The following PAK3 variants were observed in gnomAD, a reference collection of about 807,000 sequenced individuals.
The protein encoded by PAK3 is serine/threonine-protein kinase PAK 3.
PAK3 carries 4 observed loss-of-function variants against 41.0 expected under a neutral mutation model. That is an observed-to-expected ratio of 0.10 (90% CI 0.05 to 0.22). The LOEUF is 0.22. Among genes scored for constraint, PAK3 ranks in the 10% least tolerant of loss-of-function variants. PAK3 has a pLI of 1.00. For synonymous variants in PAK3, 146 were observed against 139.6 expected, an observed-to-expected ratio of 1.05 and a Z score of -0.32; for missense variants, 205 against 409.9, an observed-to-expected ratio of 0.50 and a Z score of 4.32.
intron 1 of PAK3, among the ~76,000 whole-genome samples, chrX:110,953,312 C>T (rs182864573): frequency 5.8e-4 from 65 of 111,534 alleles, no homozygotes; most frequent in African/African-American, 1.9e-3. Context: ...TTGTGTGACC[C>T]TGAACTAGAG....
At chrX:111,062,408 G>A (rs771915492) in intron 1 of PAK3, among the ~76,000 whole-genome samples, 13 of 112,176 alleles carry the variant, frequency 1.2e-4, no homozygotes, top group Non-Finnish European at 1.7e-4. Context: ...TGTGTGGTAC[G>A]TACAAACTTG....
At chrX:110,974,477 C>G (rs2091283455) in intron 1 of PAK3, among the ~76,000 whole-genome samples, 1 of 111,230 alleles carries the variant, frequency 9.0e-6, no homozygotes, top group Non-Finnish European at 1.9e-5. Flanking sequence ...AATATCCTAC[C>G]AACCTAAAAA....
intron 11 of PAK3, among the ~76,000 whole-genome samples, chrX:111,179,015 A>C (rs61356567): frequency 0.13 from 13,010 of 103,090 alleles, 1,749 homozygotes; most frequent in African/African-American, 0.4. Context: ...ATATATCTAT[A>C]TATATATATA....
At chrX:111,056,328 A>T (rs892124805) in intron 1 of PAK3, among the ~76,000 whole-genome samples, 30 of 112,154 alleles carry the variant, frequency 2.7e-4, no homozygotes, top group African/African-American at 9.7e-4. Flanking sequence ...TGGGTAAAAA[A>T]GTCAAGTAGA....
At chrX:111,145,054 G>C in intron 6 of PAK3, 1 of 370,371 alleles carries the variant, frequency 2.7e-6, no homozygotes, top group Non-Finnish European at 4.9e-6. Context: ...CCTATACACA[G>C]TCAGACATTG....
chrX:110,972,077 TAC>T (rs1304042162), intron 1 of PAK3, among the ~76,000 whole-genome samples: 5 of 111,355 alleles, frequency 4.5e-5, no homozygotes, highest in Admixed American at 9.6e-5. Flanking sequence ...CACATATATA[TAC>T]ACACACACAC....
chrX:111,186,198 A>G (rs1311257418), intron 11 of PAK3, among the ~76,000 whole-genome samples: 1 of 111,712 alleles, frequency 9.0e-6, no homozygotes, highest in Non-Finnish European at 1.9e-5. Flanking sequence ...CTGAATGGGC[A>G]AAAGCTGGAA....
At chrX:111,121,531 T>C (rs1231276743) in intron 4 of PAK3, among the ~76,000 whole-genome samples, 1 of 111,952 alleles carries the variant, frequency 8.9e-6, no homozygotes, top group Non-Finnish European at 1.9e-5. Context: ...CTATAACCAC[T>C]AAAGGGCCGG....
intron 1 of PAK3, among the ~76,000 whole-genome samples, chrX:110,980,792 T>C (rs1231376199): frequency 8.9e-6 from 1 of 112,411 alleles, no homozygotes; most frequent in Non-Finnish European, 1.9e-5. Flanking sequence ...AAAGCCTCTC[T>C]GTCTAGATTC....
chrX:110,976,021 A>G (rs2091320513), intron 1 of PAK3, among the ~76,000 whole-genome samples: 1 of 112,208 alleles, frequency 8.9e-6, no homozygotes, highest in Non-Finnish European at 1.9e-5. Flanking sequence ...AACAAAACCT[A>G]GGCAATACAA....
At chrX:111,135,518 A>G (rs928871833) in intron 5 of PAK3, among the ~76,000 whole-genome samples, 1 of 110,909 alleles carries the variant, frequency 9.0e-6, no homozygotes, top group Non-Finnish European at 1.9e-5. Context: ...GAGATGACCC[A>G]AGGGAGAAGT....
chrX:111,149,679 TAG>T (rs1158523005), intron 7 of PAK3, among the ~76,000 whole-genome samples: 3 of 112,022 alleles, frequency 2.7e-5, no homozygotes, highest in African/African-American at 9.7e-5. Flanking sequence ...AAAGCTGGAT[TAG>T]CTGGGACACA....
At chrX:111,208,964 A>T (rs2094788315) in intron 16 of PAK3, among the ~76,000 whole-genome samples, 1 of 106,978 alleles carries the variant, frequency 9.3e-6, no homozygotes, top group Non-Finnish European at 1.9e-5. Flanking sequence ...TGTGTACTAG[A>T]CAGTGGGCAA....
intron 1 of PAK3, among the ~76,000 whole-genome samples, chrX:111,058,357 T>TG (rs1357983803): frequency 7.1e-5 from 8 of 112,022 alleles, no homozygotes; most frequent in African/African-American, 2.6e-4. Context: ...GTCTATTTTT[T>TG]TGTGTGTGTT....
chrX:110,989,559 T>G, intron 1 of PAK3, among the ~76,000 whole-genome samples: 1 of 111,996 alleles, frequency 8.9e-6, no homozygotes, highest in Middle Eastern at 4.6e-3. Flanking sequence ...CCAAAGAAAA[T>G]ATGTTTGTGA....
chrX:111,114,702 C>T (rs1033247678), intron 4 of PAK3, among the ~76,000 whole-genome samples: 2 of 111,497 alleles, frequency 1.8e-5, no homozygotes, highest in African/African-American at 6.5e-5. Flanking sequence ...AGTACTATGA[C>T]GTAGAGGATT....
intron 1 of PAK3, among the ~76,000 whole-genome samples, chrX:111,024,981 C>A (rs966263556): frequency 9.0e-6 from 1 of 111,252 alleles, no homozygotes; most frequent in Non-Finnish European, 1.9e-5. Flanking sequence ...AGTTGGAAAT[C>A]AACTCCAAAA....
chrX:110,969,595 C>T (rs2091164827), intron 1 of PAK3, among the ~76,000 whole-genome samples: 1 of 109,547 alleles, frequency 9.1e-6, no homozygotes, highest in Non-Finnish European at 1.9e-5. Flanking sequence ...ACCACTGCAC[C>T]CAGCCCTTCC....
chrX:111,186,320 G>A (rs577265901), intron 11 of PAK3, among the ~76,000 whole-genome samples: 2 of 111,035 alleles, frequency 1.8e-5, no homozygotes, highest in African/African-American at 3.3e-5. Context: ...AGAAATAAAG[G>A]GTGTTCAAAT....
Sources: gnomAD v4.1 joint callset for allele counts (sites outside exome capture counted in the v4.1 genomes callset) on GRCh38, gnomAD v4.1.1 for gene constraint, MANE v1.5 for transcripts, NCBI Gene and HGNC (gene_info 2026-07-23, HGNC 2026-07-21) for gene names.